The following NTRK1 variants were observed in gnomAD, a reference collection of about 807,000 sequenced individuals.
NTRK1 encodes the protein neurotrophic receptor tyrosine kinase 1.
Under a neutral mutation model 86.8 loss-of-function variants are expected in NTRK1, and 62 were observed. The observed-to-expected ratio is 0.71, with a 90% CI of 0.58 to 0.88. The LOEUF is 0.88. NTRK1 is among the 40% of genes least tolerant of loss of function. The pLI is 0.00. For synonymous variants in NTRK1, 469 were observed against 456.6 expected, an observed-to-expected ratio of 1.03 and a Z score of -0.35; for missense variants, 967 against 1,078.4, an observed-to-expected ratio of 0.90 and a Z score of 1.45.
At chr1:156,851,348 C>T (rs142717439) in intron 2 of NTRK1, 17 of 1,613,986 alleles carry the variant, frequency 1.1e-5, no homozygotes, top group African/African-American at 2.7e-5. Flanking sequence ...CCCAGGGACA[C>T]GAGGGCAAAG....
intron 2 of NTRK1, chr1:156,848,896 C>T (rs764090547): frequency 1.3e-6 from 2 of 1,550,612 alleles, no homozygotes; most frequent in Middle Eastern, 1.7e-4. Context: ...CCCGCCCCCG[C>T]TCCGGCCCCG....
intron 2 of NTRK1, among the ~76,000 whole-genome samples, chr1:156,850,803 C>T (rs559325720): frequency 3.5e-4 from 52 of 150,608 alleles, no homozygotes; most frequent in African/African-American, 1.1e-3. Flanking sequence ...GTGATCCACC[C>T]GCCTCAGCCT....
intron 1 of NTRK1, among the ~76,000 whole-genome samples, chr1:156,832,757 A>G (rs965405302): frequency 6.6e-6 from 1 of 152,172 alleles, no homozygotes; most frequent in African/African-American, 2.4e-5. Context: ...AAGCATCGAG[A>G]TCCGAGTTTC....
chr1:156,845,794 T>G (rs1293501518), intron 2 of NTRK1: 3 of 1,612,602 alleles, frequency 1.9e-6, no homozygotes, highest in Non-Finnish European at 2.5e-6. Flanking sequence ...GGATCGTTGT[T>G]GCTGGTGGGC....
intron 2 of NTRK1, chr1:156,843,131 C>A: frequency 6.2e-7 from 1 of 1,614,158 alleles, no homozygotes; most frequent in Non-Finnish European, 8.5e-7. Context: ...AGCCTCAAGT[C>A]CTCGTGCCAG....
intron 2 of NTRK1, chr1:156,842,596 T>A (rs1654841699): frequency 3.1e-6 from 3 of 953,692 alleles, no homozygotes; most frequent in Non-Finnish European, 5.0e-6. Flanking sequence ...ACAGTCTGAC[T>A]CAGACACCAA....
intron 2 of NTRK1, chr1:156,848,912 G>A (rs1174294026): frequency 2.7e-6 from 4 of 1,466,234 alleles, no homozygotes; most frequent in Middle Eastern, 3.6e-4. Context: ...CCCCGCCCCC[G>A]GCACTCACGA....
intron 6 of NTRK1, among the ~76,000 whole-genome samples, chr1:156,871,309 C>T (rs998847919): frequency 2.6e-5 from 4 of 152,168 alleles, no homozygotes; most frequent in Non-Finnish European, 5.9e-5. Context: ...AATCCCAATA[C>T]TTTGGGAGGC....
intron 1 of NTRK1, among the ~76,000 whole-genome samples, chr1:156,864,041 T>C (rs956482640): frequency 2.6e-5 from 4 of 152,148 alleles, no homozygotes; most frequent in African/African-American, 7.2e-5. Flanking sequence ...TGTGTGCGCA[T>C]GTGCATACCT....
At chr1:156,842,393 C>T (rs1217138665) in intron 2 of NTRK1, 1 of 1,613,644 alleles carries the variant, frequency 6.2e-7, no homozygotes, top group African/African-American at 1.3e-5. Context: ...CTTCCTGGTC[C>T]CTACCTCTGC....
rs148489988 is a variant in NTRK1, at chr1:156,869,018, C to CCTTCCTTCCTTCCTT, written c.717+372_717+373insTTCCTTCCTTCCTTC. ...CCTCCCGTACATCACTTTTCTCTCT[C>CCTTCCTTCCTTCCTT]CCTTCCTTCCTTCCTTCCTTCCTTC... is the stretch of plus-strand genomic sequence containing the variant. On this transcript the variant is annotated intron_variant, in intron 6 of 16. Transcript: ENST00000524377. Among the ~76,000 whole-genome samples, 201 of 43,560 alleles carry CCTTCCTTCCTTCCTT rather than the reference C, an allele frequency of 4.6e-3. 30 individuals are homozygous for CCTTCCTTCCTTCCTT. The highest frequency in any genetic ancestry group is 7.8e-3 in the African/African-American group (97 of 12,368). 28.6% of individuals were successfully genotyped at this position (43,560 alleles called of 152,430 possible).
rs2102905368 is a variant in NTRK1 at position 156,873,760 on chromosome 1, C to T, written c.978C>T (p.Ser326=). The part of the protein sequence containing the change: ...LFNGSVLNET[S]FIFTEFLEPA... ...ATGGCTCCGTGCTCAATGAGACCAG[C>T]TTCATCTTCACTGAGTTCCTGGAGC... Residue 326 remains serine, a synonymous_variant, in exon 8 of 17, where the codon AGC becomes AGT. Coordinates refer to ENST00000524377, the MANE Select transcript of NTRK1 (RefSeq NM_002529.4). 6.2e-7 allele frequency: 1 copy of T among 1,613,360 alleles called. No homozygotes were observed. The highest frequency in any genetic ancestry group is 1.1e-5 in the South Asian group (1 of 90,870).
At chr1:156,842,025 G>A (rs1272574434) in intron 1 of NTRK1, 2 of 1,591,360 alleles carry the variant, frequency 1.3e-6, no homozygotes, top group East Asian at 2.3e-5. Flanking sequence ...AGGCTGTCAG[G>A]ACCAGGGCTG....
intron 6 of NTRK1, among the ~76,000 whole-genome samples, chr1:156,869,089 T>A (rs1647389214): frequency 6.7e-6 from 1 of 149,444 alleles, no homozygotes; most frequent in Non-Finnish European, 1.5e-5. Flanking sequence ...CCTTCCTTCC[T>A]TTTATGGAGT....
At position 156,876,100 on chromosome 1, in the gene NTRK1, C is replaced by T. The variant is rs200575096; in HGVS notation, c.1522C>T (p.Arg508Trp). ...SDACVHHIKR[R>W]DIVLKWELGE... Reference sequence around the variant, plus strand: ...CTCAGGTGTTCACCACATCAAGCGCCGGGACATCGTGCTCAAGTGGGAGCT... The same window carrying T: ...CTCAGGTGTTCACCACATCAAGCGCTGGGACATCGTGCTCAAGTGGGAGCT... Residue 508 changes from arginine to tryptophan, a missense_variant, in exon 13 of 17, where the codon CGG becomes TGG. Transcript: ENST00000524377. 111 of 1,614,074 alleles carry T rather than the reference C, an allele frequency of 6.9e-5. 1 individual carries two copies. In the South Asian group the frequency reaches 1.1e-3, roughly 16 times the overall value.
intron 9 of NTRK1, 44 bp from the exon 10 acceptor site, chr1:156,874,527 C>T (rs768316970): frequency 6.2e-7 from 1 of 1,611,726 alleles, no homozygotes; most frequent in Non-Finnish European, 8.5e-7. Context: ...CTGGAGGCTA[C>T]AGTGTGTGTC....
At chr1:156,829,194 T>G (rs566444005) in intron 1 of NTRK1, among the ~76,000 whole-genome samples, 5 of 151,214 alleles carry the variant, frequency 3.3e-5, no homozygotes, top group Non-Finnish European at 5.9e-5. Flanking sequence ...AGATGTAGAG[T>G]AGGTGACGCT....
At chr1:156,817,268 G>A (rs1452258746) in intron 1 of NTRK1, among the ~76,000 whole-genome samples, 1 of 151,928 alleles carries the variant, frequency 6.6e-6, no homozygotes, top group Non-Finnish European at 1.5e-5. Context: ...CAGACTTCTG[G>A]AAGGACTTTT....
intron 3 of NTRK1, 150 bp from the exon 4 acceptor site, chr1:156,866,760 C>T (rs1655951918): frequency 1.5e-6 from 1 of 682,880 alleles, no homozygotes; most frequent in Non-Finnish European, 2.6e-6. Context: ...CATCTACACA[C>T]ACTGCCTTCC....
Sources: allele counts gnomAD v4.1 joint callset (sites outside exome capture counted in the v4.1 genomes callset), GRCh38; gene constraint gnomAD v4.1.1; transcripts MANE v1.5; gene names NCBI Gene and HGNC (gene_info 2026-07-23, HGNC 2026-07-21).